ITGA3: variants seen among roughly 807,000 people sequenced by gnomAD.
The protein encoded by ITGA3 is integrin subunit alpha 3, also known as integrin alpha-3.
ITGA3 carries 70 observed loss-of-function variants against 131.1 expected under a neutral mutation model. The ratio of observed to expected loss-of-function variants is 0.53; its 90% confidence interval spans 0.44 to 0.65. ITGA3 has a LOEUF of 0.65. Among genes scored for constraint, ITGA3 ranks in the 30% least tolerant of loss-of-function variants. The pLI is 0.00. For missense variants in ITGA3, 1,098 were observed against 1,388.6 expected, an observed-to-expected ratio of 0.79 and a Z score of 3.33; for synonymous variants, 537 against 571.6, an observed-to-expected ratio of 0.94 and a Z score of 0.86.
Position 50,064,689 on chromosome 17 carries a change from A to G in ITGA3, c.414+82A>G, listed in dbSNP as rs1367341605. 7 of 1,205,828 alleles carry G rather than the reference A, an allele frequency of 5.8e-6. No homozygotes were observed. The highest frequency in any genetic ancestry group is 8.3e-6 in the Non-Finnish European group (7 of 842,878). 74.7% of individuals were successfully genotyped at this position (1,205,828 alleles called of 1,614,324 possible). A position where few individuals can be genotyped will look rare whatever the true frequency, so the allele number is the denominator to read the frequency against. ...CAGAGCTGGGAGGAAAGAAGAGGGCAGCAGGGGGGTCCACGGCGCGTGTGT... is the reference window on the plus strand; with the variant it reads ...CAGAGCTGGGAGGAAAGAAGAGGGCGGCAGGGGGGTCCACGGCGCGTGTGT... On this transcript the variant is annotated intron_variant, in intron 3 of 25. Transcript: ENST00000320031. The surrounding 1 kb of genome is among the most constrained non-coding windows in gnomAD (Gnocchi z 4.4).
chr17:50,062,652 C>T (rs991149557), intron 1 of ITGA3, among the ~76,000 whole-genome samples: 8 of 151,926 alleles, frequency 5.3e-5, no homozygotes, highest in African/African-American at 1.9e-4. Flanking sequence ...GGTGGAGATA[C>T]CCCAGGCCCT....
chr17:50,071,057 C>T (rs750490348), intron 5 of ITGA3, 127 bp downstream of exon 5: 8 of 757,400 alleles, frequency 1.1e-5, no homozygotes, highest in South Asian at 3.1e-5. Flanking sequence ...ACGGATTGGC[C>T]GGCACCTGTA....
intron 12 of ITGA3, 112 bp downstream of exon 12, chr17:50,075,847 G>A (rs1431842260): frequency 1.1e-5 from 12 of 1,137,760 alleles, no homozygotes; most frequent in Admixed American, 2.2e-5. Context: ...ACAGAGGTTG[G>A]GGACATCGGT....
At chr17:50,074,348 G>A in intron 9 of ITGA3, 68 bp downstream of exon 9, 2 of 1,603,962 alleles carry the variant, frequency 1.2e-6, no homozygotes, top group South Asian at 1.1e-5. Context: ...ATTCCCATCT[G>A]TGTCCATGTT....
Position 50,078,246 on chromosome 17 carries a change from T to C in ITGA3, c.2259T>C (p.Thr753=). 6.2e-7 allele frequency: 1 copy of C among 1,613,994 alleles called. No individual in the cohort carries two copies. Among genetic ancestry groups the C allele is most frequent in the African/African-American group, 1.3e-5 (1 of 74,994 alleles). ...HQDNLWPMIL[T]LLVDYTLQTS... ...ACAACCTGTGGCCCATGATCCTCAC[T>C]CTGCTGGTGGACTATACACTCCAGA... The change falls in exon 18 of 26, where the codon ACT becomes ACC. Residue 753 remains threonine, a synonymous_variant. Coordinates refer to ENST00000320031, the MANE Select transcript of ITGA3 (RefSeq NM_002204.4).
rs1374254071 is a variant in ITGA3 at position 50,068,050 on chromosome 17, C to T, written c.415-6C>T. 1 of 1,613,650 alleles carries T rather than the reference C, an allele frequency of 6.2e-7. No individual in the cohort carries two copies. Among genetic ancestry groups the T allele is most frequent in the Non-Finnish European group, 8.5e-7 (1 of 1,179,990 alleles). On this transcript the variant is annotated splice_region_variant and splice_polypyrimidine_tract_variant and intron_variant, in intron 3 of 25. Transcript: ENST00000320031. ...CTAAGGCTGCCTGTGTTTGGGGGGT[C>T]CCCAGGTCTGTGCCCACCGCTACAC...
intron 3 of ITGA3, among the ~76,000 whole-genome samples, chr17:50,066,259 G>C (rs1598183043): frequency 6.6e-6 from 1 of 151,510 alleles, no homozygotes; most frequent in African/African-American, 2.4e-5. Context: ...CTCCCAAACT[G>C]CTAGTGCTAG....
chr17:50,087,662 C>A, intron 23 of ITGA3, 82 bp from the exon 24 acceptor site: 1 of 1,482,498 alleles, frequency 6.7e-7, no homozygotes, highest in Non-Finnish European at 9.2e-7. Context: ...ACAGCAGGTG[C>A]CTGGGCCCAG....
chr17:50,087,671 A>G, intron 23 of ITGA3, 73 bp from the exon 24 acceptor site: 1 of 1,516,812 alleles, frequency 6.6e-7, no homozygotes, highest in Non-Finnish European at 9.0e-7. Flanking sequence ...GCCTGGGCCC[A>G]GCTAGGATAG....
intron 22 of ITGA3, 21 bp downstream of exon 22, chr17:50,080,396 G>T: frequency 1.3e-6 from 2 of 1,488,168 alleles, no homozygotes; most frequent in African/African-American, 1.4e-5. Context: ...GGGTCTGAAG[G>T]TCTCTCCTAC....
chr17:50,080,062 A>G (rs1653168163), intron 21 of ITGA3, among the ~76,000 whole-genome samples, 200 bp from the exon 22 acceptor site: 2 of 152,296 alleles, frequency 1.3e-5, no homozygotes, highest in East Asian at 3.9e-4. Context: ...GCCTGGCATT[A>G]TATGAGCTTG....
At position 50,070,888 on chromosome 17, in the gene ITGA3, T is replaced by C. The variant is rs1019838935; in HGVS notation, c.709T>C (p.Tyr237His). The C allele has an allele frequency of 1.1e-5, 18 of 1,612,364 alleles. No individual in the cohort carries two copies. The highest frequency in any genetic ancestry group is 1.6e-4 in the Middle Eastern group (1 of 6,062). Reference sequence around the variant, plus strand: ...GCGCAAGGAGTGGGACTTATCTGAGTATAGTTACAAGGACCCAGAGGACCA... The same window carrying C: ...GCGCAAGGAGTGGGACTTATCTGAGCATAGTTACAAGGACCCAGAGGACCA... ...IQRKEWDLSE[Y>H]SYKDPEDQGN... Residue 237 changes from tyrosine to histidine, a missense_variant, in exon 5 of 26, where the codon TAT (tyrosine) becomes CAT (histidine). Around this residue, in one of 3 missense-constraint regions of ITGA3, gnomAD observed 356 missense variants for 529.2 expected, o/e 0.67. Transcript: ENST00000320031.
Position 50,056,744 on chromosome 17 carries a change from G to A in ITGA3, c.206+99G>A. ...CGGAGCCCAGGGCAGCTGGCCCTTG[G>A]GAGCCAGGATTAAGGGGCGGCCCTC... On this transcript the variant is annotated intron_variant, in intron 1 of 25. Transcript: ENST00000320031. The surrounding 1 kb of genome is among the most constrained non-coding windows in gnomAD (Gnocchi z 5.6). The A allele has an allele frequency of 2.4e-6, 3 of 1,268,612 alleles. No individual in the cohort carries two copies. The highest frequency in any genetic ancestry group is 3.3e-6 in the Non-Finnish European group (3 of 920,840). 78.6% of individuals were successfully genotyped at this position (1,268,612 alleles called of 1,614,324 possible).
rs2144281430 is a variant in ITGA3 at position 50,071,426 on chromosome 17, CGGA to C, written c.869_871del (p.Gly290del). ...TGTTCTTGCTGAGCCAGGAGGCAGG[CGGA>C]GACCTGCGGAGGAGGCAGGTGCTGG... On this transcript the variant is annotated inframe_deletion, in exon 6 of 26. Coordinates refer to ENST00000320031, the MANE Select transcript of ITGA3 (RefSeq NM_002204.4). The C allele has an allele frequency of 6.2e-7, 1 of 1,614,086 alleles. No individual in the cohort carries two copies. Among genetic ancestry groups the C allele is most frequent in the East Asian group, 2.2e-5 (1 of 44,876 alleles).
chr17:50,080,645 T>G (rs1909150815), intron 22 of ITGA3, among the ~76,000 whole-genome samples: 1 of 152,106 alleles, frequency 6.6e-6, no homozygotes, highest in African/African-American at 2.4e-5. Flanking sequence ...CCTGGAATGC[T>G]CATTTCCCCT....
Position 50,081,390 on chromosome 17 carries a change from G to A in ITGA3, c.2901G>A (p.Met967Ile). 1.3e-6 allele frequency: 2 copies of A among 1,583,642 alleles called. No homozygotes were observed. Among genetic ancestry groups the A allele is most frequent in the Non-Finnish European group, 1.7e-6 (2 of 1,162,974 alleles). Reference protein sequence around the residue: ...FLRTSIPTINMENKTTWFSVD... With the variant: ...FLRTSIPTINIENKTTWFSVD... ...GAACCAGCATCCCCACCATCAACAT[G>A]GAGAACAAGACCACGTGGGTGAGTG... is the stretch of plus-strand genomic sequence containing the variant. Residue 967 changes from methionine to isoleucine, a missense_variant, in exon 23 of 26, where the codon ATG becomes ATA. Physicochemically the swap from Met to Ile is conservative, Grantham distance 10. Transcript: ENST00000320031.
At position 50,068,278 on chromosome 17, in the gene ITGA3, G is replaced by A. The variant is rs772771598; in HGVS notation, c.637G>A (p.Gly213Ser). The change falls in exon 4 of 26, where the codon GGC (glycine) becomes AGC (serine). Residue 213 changes from glycine (G) to serine (S), a missense_variant. Gly to Ser is a moderately conservative substitution (Grantham distance 56). Transcript: ENST00000320031. ...CTTCACCCAGAACACTGTGTACTTCGGCGCCCCCGGTGCCTACAACTGGAA... is the reference window on the plus strand; with the variant it reads ...CTTCACCCAGAACACTGTGTACTTCAGCGCCCCCGGTGCCTACAACTGGAA... ...GGFTQNTVYFGAPGAYNWKGN... is the reference protein window; with the variant it reads ...GGFTQNTVYFSAPGAYNWKGN... 4.3e-6 allele frequency: 7 copies of A among 1,613,542 alleles called. No homozygotes were observed. The highest frequency in any genetic ancestry group is 2.2e-5 in the East Asian group (1 of 44,886).
At chr17:50,083,421 G>C (rs934895715) in intron 23 of ITGA3, among the ~76,000 whole-genome samples, 2 of 152,012 alleles carry the variant, frequency 1.3e-5, no homozygotes, top group African/African-American at 4.8e-5. Flanking sequence ...CAGCAAAAGA[G>C]ATAGTAAAGA....
At chr17:50,088,185 GC>G (rs1160847786) in intron 24 of ITGA3, 39 bp from the exon 25 acceptor site, 2 of 1,539,712 alleles carry the variant, frequency 1.3e-6, no homozygotes, top group Non-Finnish European at 1.8e-6. Flanking sequence ...ATAGCCCAGC[GC>G]CCCCCTGATG....
Sources: gnomAD v4.1 joint callset for allele counts (sites outside exome capture counted in the v4.1 genomes callset) on GRCh38, gnomAD v4.1.1 for gene constraint, gnomAD v4.1.1 regional missense constraint, Gnocchi (gnomAD v3.1) non-coding constraint, MANE v1.5 for transcripts, NCBI Gene and HGNC (gene_info 2026-07-23, HGNC 2026-07-21) for gene names.